The following DSG1 variants were observed in gnomAD, a reference collection of about 807,000 sequenced individuals.
DSG1 encodes the protein desmoglein 1.
A neutral mutation model predicts 97.5 loss-of-function variants in DSG1; 39 were observed. The ratio of observed to expected loss-of-function variants is 0.40; its 90% confidence interval spans 0.31 to 0.52. The LOEUF is 0.52. Among genes scored for constraint, DSG1 ranks in the 20% least tolerant of loss-of-function variants. The pLI is 0.53. For missense variants in DSG1, 1,311 were observed against 1,295.4 expected, an observed-to-expected ratio of 1.01 and a Z score of -0.18; for synonymous variants, 475 against 443.4, an observed-to-expected ratio of 1.07 and a Z score of -0.90.
chr18:31,326,759 T>C (rs1041945363), intron 2 of DSG1, 115 bp from the exon 3 acceptor site: 3 of 1,403,578 alleles, frequency 2.1e-6, no homozygotes, highest in African/African-American at 2.9e-5. Flanking sequence ...ATTACCAATT[T>C]TCCCAATTAA....
At position 31,355,581 on chromosome 18, in the gene DSG1, G is replaced by A. The variant is rs2144129504; in HGVS notation, c.*235G>A. The A allele has an allele frequency of 1.8e-6, 1 of 549,798 alleles. No individual in the cohort carries two copies. Among genetic ancestry groups the A allele is most frequent in the South Asian group, 2.1e-5 (1 of 47,228 alleles). The allele number at this position is 549,798 out of a possible 1,614,324, so 34.1% of individuals were successfully genotyped here. On this transcript the variant is annotated 3_prime_UTR_variant, in exon 15 of 15. Coordinates refer to ENST00000257192, the MANE Select transcript of DSG1 (RefSeq NM_001942.4). The stretch of plus-strand genomic sequence containing the variant: ...CTAAGGAACTAAAACTTGAGGCAGA[G>A]TCTTCTTTGTGCCTGAGTGGCCTGT...
At position 31,355,019 on chromosome 18, in the gene DSG1, C is replaced by G; in HGVS notation, c.2823C>G (p.Pro941=). Residue 941 remains proline, a synonymous_variant, in exon 15 of 15, where the codon CCC becomes CCG. Coordinates refer to ENST00000257192, the MANE Select transcript of DSG1 (RefSeq NM_001942.4). The part of the protein sequence containing the change: ...SGMIGSLSMH[P]ELANAHNVIV... ...TGATAGGTAGTCTGAGTATGCACCC[C>G]GAGTTAGCCAATGCCCACAATGTCA... is the stretch of plus-strand genomic sequence containing the variant. 1 of 1,614,194 alleles carries G rather than the reference C, an allele frequency of 6.2e-7. No homozygotes were observed. The highest frequency in any genetic ancestry group is 8.5e-7 in the Non-Finnish European group (1 of 1,180,026).
chr18:31,339,535 T>C (rs1302004334), intron 10 of DSG1, among the ~76,000 whole-genome samples: 1 of 151,984 alleles, frequency 6.6e-6, no homozygotes, highest in Non-Finnish European at 1.5e-5. Flanking sequence ...AGTATTACTA[T>C]GACTAATAAT....
intron 13 of DSG1, 69 bp from the exon 14 acceptor site, chr18:31,345,921 A>C (rs2144110782): frequency 8.0e-7 from 1 of 1,247,678 alleles, no homozygotes; most frequent in East Asian, 2.5e-5. Context: ...ACATATTACA[A>C]GGCAAGTTGT....
rs147881726 is a variant in DSG1, at chr18:31,355,554, G to A, written c.*208G>A. 2.1e-4 allele frequency: 123 copies of A among 597,278 alleles called. No homozygotes were observed. The highest frequency in any genetic ancestry group is 1.9e-3 in the African/African-American group (103 of 54,006). The allele number at this position is 597,278 out of a possible 1,614,324, so 37.0% of individuals were successfully genotyped here. On this transcript the variant is annotated 3_prime_UTR_variant, in exon 15 of 15. Coordinates refer to ENST00000257192, the MANE Select transcript of DSG1 (RefSeq NM_001942.4). The stretch of plus-strand genomic sequence containing the variant: ...TTCATAAACTTTTCTCTTATATTAG[G>A]ACTAAGGAACTAAAACTTGAGGCAG...
intron 1 of DSG1, among the ~76,000 whole-genome samples, chr18:31,319,226 A>C (rs763374323): frequency 5.9e-5 from 9 of 152,186 alleles, no homozygotes; most frequent in Non-Finnish European, 1.2e-4. Flanking sequence ...AATCTCTCTC[A>C]TAGTAAGGTT....
At position 31,354,812 on chromosome 18, in the gene DSG1, C is replaced by G; in HGVS notation, c.2616C>G (p.Ile872Met). The change falls in exon 15 of 15, where the codon ATC becomes ATG. Residue 872 changes from isoleucine (I) to methionine (M), a missense_variant. Ile to Met is a conservative substitution (Grantham distance 10, BLOSUM62 1). Coordinates refer to ENST00000257192, the MANE Select transcript of DSG1 (RefSeq NM_001942.4). Reference protein sequence around the residue: ...VVVTERVVGPISGADLHGMLE... With the variant: ...VVVTERVVGPMSGADLHGMLE... Reference sequence around the variant, plus strand: ...TGACAGAGAGAGTGGTCGGCCCAATCTCTGGCGCTGATTTGCATGGAATGT... The same window carrying G: ...TGACAGAGAGAGTGGTCGGCCCAATGTCTGGCGCTGATTTGCATGGAATGT... 1 of 1,614,162 alleles carries G rather than the reference C, an allele frequency of 6.2e-7. No individual in the cohort carries two copies. Among genetic ancestry groups the G allele is most frequent in the Non-Finnish European group, 8.5e-7 (1 of 1,180,032 alleles).
At chr18:31,352,469 A>C (rs1265441093) in intron 14 of DSG1, among the ~76,000 whole-genome samples, 1 of 150,234 alleles carries the variant, frequency 6.7e-6, no homozygotes, top group African/African-American at 2.5e-5. Flanking sequence ...CTTCTCGAGG[A>C]GTATCTTTGT....
chr18:31,318,740 T>G (rs564485115), intron 1 of DSG1, among the ~76,000 whole-genome samples: 2 of 152,126 alleles, frequency 1.3e-5, no homozygotes, highest in African/African-American at 2.4e-5. Flanking sequence ...TTTATTTTTT[T>G]TGTGTGTTTG....
At chr18:31,326,677 AAT>A in intron 2 of DSG1, 61 bp downstream of exon 2, 2 of 1,451,878 alleles carry the variant, frequency 1.4e-6, no homozygotes, top group South Asian at 1.2e-5. Context: ...TGAGAATAAC[AAT>A]ATGTTTTCTG....
intron 10 of DSG1, among the ~76,000 whole-genome samples, 187 bp from the exon 11 acceptor site, chr18:31,339,557 A>G (rs1193842086): frequency 6.6e-5 from 10 of 152,014 alleles, no homozygotes; most frequent in African/African-American, 2.2e-4. Context: ...TTAGTTATAA[A>G]TAATAATATA....
chr18:31,340,856 T>G (rs2071784898), intron 11 of DSG1, among the ~76,000 whole-genome samples: 1 of 152,248 alleles, frequency 6.6e-6, no homozygotes, highest in African/African-American at 2.4e-5. Context: ...AATAAAAGGA[T>G]AGTCAAATAG....
chr18:31,333,846 A>G, intron 7 of DSG1, 123 bp downstream of exon 7: 1 of 1,298,636 alleles, frequency 7.7e-7, no homozygotes, highest in Admixed American at 1.8e-5. Context: ...GTAGACACAT[A>G]CTTTTTTCTT....
At chr18:31,336,157 T>A (rs1329443526) in intron 8 of DSG1, among the ~76,000 whole-genome samples, 197 bp from the exon 9 acceptor site, 1 of 152,154 alleles carries the variant, frequency 6.6e-6, no homozygotes, top group Non-Finnish European at 1.5e-5. Flanking sequence ...CTAGGGGAAT[T>A]GAATTGTTTC....
In DSG1 at chr18:31,359,212, G is replaced by T. The variant is rs376031880; in HGVS notation, c.*3866G>T. 3.3e-5 allele frequency among the ~76,000 whole-genome samples: 5 copies of T among 152,170 alleles called. No individual in the cohort carries two copies. The highest frequency in any genetic ancestry group is 1.2e-4 in the African/African-American group (5 of 41,528). On this transcript the variant is annotated 3_prime_UTR_variant, in exon 15 of 15. Transcript: ENST00000257192. ...TTTAAGTTGATTTGTAATTTCCAAA[G>T]AGTTATGCATACAGCAATAAAATTA...
At chr18:31,335,045 CAG>C (rs1410956711) in intron 8 of DSG1, among the ~76,000 whole-genome samples, 1 of 151,858 alleles carries the variant, frequency 6.6e-6, no homozygotes, top group African/African-American at 2.4e-5. Context: ...GTCTGGAAAA[CAG>C]ACTCTCAAAC....
rs772842163 is a variant in DSG1, at chr18:31,355,335, T to C, written c.3139T>C (p.Tyr1047His). 6.2e-7 allele frequency: 1 copy of C among 1,614,148 alleles called. No individual in the cohort carries two copies. Among genetic ancestry groups the C allele is most frequent in the Admixed American group, 1.7e-5 (1 of 60,026 alleles). The change falls in exon 15 of 15, where the codon TAT becomes CAT. Residue 1047 changes from tyrosine to histidine, a missense_variant. Around this residue, in one of 3 missense-constraint regions of DSG1, gnomAD observed 1,038 missense variants for 964.6 expected, o/e 1.08. Coordinates refer to ENST00000257192, the MANE Select transcript of DSG1 (RefSeq NM_001942.4). ...SRITKYSTVQ[Y>H]SK ...AATCACAAAGTATAGTACCGTGCAA[T>C]ATAGCAAGTAGTCAGGACCCCAGCT...
rs1400616126 is a variant in DSG1 at position 31,354,669 on chromosome 18, C to T, written c.2473C>T (p.Pro825Ser). Residue 825 changes from proline (P) to serine (S), a missense_variant, in exon 15 of 15, where the codon CCT becomes TCT. This residue lies in a region of DSG1 where 1,038 missense variants were observed against 964.6 expected (regional missense o/e 1.08). Transcript: ENST00000257192. The stretch of plus-strand genomic sequence containing the variant: ...GGGACCTGGTGTACTGCATCCTAAG[C>T]CTATTCTCGATCCTCTGGGCTATGG... ...PSGPGVLHPK[P>S]ILDPLGYGNV... The T allele has an allele frequency of 6.2e-7, 1 of 1,614,176 alleles. No homozygotes were observed. Among genetic ancestry groups the T allele is most frequent in the Admixed American group, 1.7e-5 (1 of 60,026 alleles).
chr18:31,336,591 G>C lies in DSG1; in HGVS notation c.1243G>C (p.Gly415Arg). Residue 415 changes from glycine to arginine, a missense_variant, in exon 9 of 15, where the codon GGT becomes CGT. This residue lies in a region of DSG1 where 1,038 missense variants were observed against 964.6 expected (regional missense o/e 1.08). Coordinates refer to ENST00000257192, the MANE Select transcript of DSG1 (RefSeq NM_001942.4). Reference protein sequence around the residue: ...GDFVATDLDTGRPSTTVRYVM... With the variant: ...GDFVATDLDTRRPSTTVRYVM... ...CTTTGTAGCTACTGACCTGGACACAGGTAGACCTTCAACGACTGTTAGGTA... is the reference window on the plus strand; with the variant it reads ...CTTTGTAGCTACTGACCTGGACACACGTAGACCTTCAACGACTGTTAGGTA... 1.2e-6 allele frequency: 2 copies of C among 1,614,030 alleles called. No homozygotes were observed. Among genetic ancestry groups the C allele is most frequent in the Non-Finnish European group, 8.5e-7 (1 of 1,179,948 alleles).
Sources: gnomAD v4.1 joint callset for allele counts (sites outside exome capture counted in the v4.1 genomes callset) on GRCh38, gnomAD v4.1.1 for gene constraint, gnomAD v4.1.1 regional missense constraint, MANE v1.5 for transcripts, NCBI Gene and HGNC (gene_info 2026-07-23, HGNC 2026-07-21) for gene names.